Variants in GRIN2D observed in about 807,000 individuals in gnomAD.
The protein encoded by GRIN2D is glutamate ionotropic receptor NMDA type subunit 2D.
In GRIN2D, 37 loss-of-function variants were observed where a neutral mutation model predicts 103.2. That is an observed-to-expected ratio of 0.36 (90% CI 0.28 to 0.47). The LOEUF is 0.47. Ranked by LOEUF, GRIN2D falls within the 20% of genes least tolerant of loss-of-function variation. GRIN2D has a pLI of 1.00. For missense variants in GRIN2D, 1,557 were observed against 1,910.6 expected, an observed-to-expected ratio of 0.81 and a Z score of 3.45; for synonymous variants, 845 against 885.6, an observed-to-expected ratio of 0.95 and a Z score of 0.81.
At chr19:48,401,936 C>A (rs1313248852) in intron 3 of GRIN2D, among the ~76,000 whole-genome samples, 1 of 151,970 alleles carries the variant, frequency 6.6e-6, no homozygotes, top group Non-Finnish European at 1.5e-5. Context: ...CCTCCCTCTA[C>A]TAAAAATACA....
At chr19:48,413,913 A>T in intron 4 of GRIN2D, 78 bp from the exon 5 acceptor site, 4 of 822,796 alleles carry the variant, frequency 4.9e-6, no homozygotes, top group Middle Eastern at 2.2e-4. Context: ...TGGTCTGCAG[A>T]AAGGGGACTT....
rs922471645 is a variant in GRIN2D at position 48,412,031 on chromosome 19, T to TA, written c.1086-1949dup. Among the ~76,000 whole-genome samples the TA allele has an allele frequency of 7.7e-3, 1,101 of 143,284 alleles. 12 individuals carry two copies. Among genetic ancestry groups the TA allele is most frequent in the African/African-American group, 0.026 (999 of 39,152 alleles). The allele number at this position is 143,284 out of a possible 152,430, so 94.0% of individuals were successfully genotyped here. A position where few individuals can be genotyped will look rare whatever the true frequency, so the allele number is the denominator to read the frequency against. On this transcript the variant is annotated intron_variant, in intron 4 of 13. Coordinates refer to ENST00000263269, the MANE Select transcript of GRIN2D (RefSeq NM_000836.4). ...AAAGTAGTGAGACCCTATCTCTACT[T>TA]AAAAAAAAAAAGAGGCTGGGCGTGG...
Position 48,441,955 on chromosome 19 carries a change from T to A in GRIN2D, c.2439T>A (p.Asp813Glu). 6.2e-7 allele frequency: 1 copy of A among 1,601,762 alleles called. No individual in the cohort carries two copies. Among genetic ancestry groups the A allele is most frequent in the South Asian group, 1.1e-5 (1 of 90,782 alleles). Residue 813 changes from aspartate (D) to glutamate (E), a missense_variant and splice_region_variant, in exon 12 of 14, where the codon GAT becomes GAA. By Grantham distance (45) the Asp-to-Glu change is conservative. This residue lies in a region of GRIN2D where 138 missense variants were observed against 270.2 expected (regional missense o/e 0.51). Coordinates refer to ENST00000263269, the MANE Select transcript of GRIN2D (RefSeq NM_000836.4). ...IDLALLQFLGDDEIEMLERLW... is the reference protein window; with the variant it reads ...IDLALLQFLGEDEIEMLERLW... Reference sequence around the variant, plus strand: ...TGGCGTTGCTGCAGTTCCTGGGGGATGGTGCGGCTGCACACAGGGATTTCC... The same window carrying A: ...TGGCGTTGCTGCAGTTCCTGGGGGAAGGTGCGGCTGCACACAGGGATTTCC...
Position 48,444,087 on chromosome 19 carries a change from C to G in GRIN2D, c.*150C>G, listed in dbSNP as rs1971349936. 2 of 473,416 alleles carry G rather than the reference C, an allele frequency of 4.2e-6. No individual in the cohort carries two copies. The highest frequency in any genetic ancestry group is 3.6e-5 in the East Asian group (1 of 28,156). 29.3% of individuals were successfully genotyped at this position (473,416 alleles called of 1,614,324 possible). On this transcript the variant is annotated 3_prime_UTR_variant, in exon 14 of 14. Coordinates refer to ENST00000263269, the MANE Select transcript of GRIN2D (RefSeq NM_000836.4). The surrounding 1 kb of genome is among the most constrained non-coding windows in gnomAD (Gnocchi z 5.5). The stretch of plus-strand genomic sequence containing the variant: ...GAGCAGCGTCCTGCGCCCCCTGGTT[C>G]TGGAGGAACCGCAAGCCGGAGAGGA...
intron 3 of GRIN2D, among the ~76,000 whole-genome samples, chr19:48,399,569 A>G (rs1219391664): frequency 1.3e-5 from 2 of 152,192 alleles, no homozygotes; most frequent in Non-Finnish European, 2.9e-5. Flanking sequence ...CTCTGTCCAA[A>G]AGAAAAAGAA....
rs1165311907 is a variant in GRIN2D, at chr19:48,442,278, G to T, written c.2569G>T (p.Gly857Cys). The T allele has an allele frequency of 6.2e-7, 1 of 1,614,174 alleles. No homozygotes were observed. The highest frequency in any genetic ancestry group is 8.5e-7 in the Non-Finnish European group (1 of 1,180,028). ...CTTCTACATGCTCCTGGTGGCCATG[G>T]GCCTGTCCCTGCTGGTCTTCGCCTG... Reference protein sequence around the residue: ...GVFYMLLVAMGLSLLVFAWEH... With the variant: ...GVFYMLLVAMCLSLLVFAWEH... Residue 857 changes from glycine (G) to cysteine (C), a missense_variant, in exon 13 of 14, where the codon GGC (glycine) becomes TGC (cysteine). Gly to Cys is a radical substitution (Grantham distance 159). This residue lies in a region of GRIN2D where 138 missense variants were observed against 270.2 expected (regional missense o/e 0.51). Transcript: ENST00000263269. This position sits in a 1 kb window ranked among gnomAD's most constrained non-coding sequence, Gnocchi z 7.2.
At chr19:48,437,958 C>T (rs770232913) in intron 11 of GRIN2D, among the ~76,000 whole-genome samples, 3 of 152,166 alleles carry the variant, frequency 2.0e-5, no homozygotes, top group Non-Finnish European at 4.4e-5. Context: ...GTCCTCCCCA[C>T]GTTTCTGCTA....
chr19:48,443,999 C>T lies in GRIN2D; in HGVS notation c.*62C>T. On this transcript the variant is annotated 3_prime_UTR_variant, in exon 14 of 14. Coordinates refer to ENST00000263269, the MANE Select transcript of GRIN2D (RefSeq NM_000836.4). This position sits in a 1 kb window ranked among gnomAD's most constrained non-coding sequence, Gnocchi z 8.9. The stretch of plus-strand genomic sequence containing the variant: ...GCAGGCCACGGCCCGAGGGGGCGCC[C>T]GCAGTGGACAGGACCCGCGTGGGTT... The T allele has an allele frequency of 8.9e-7, 1 of 1,122,780 alleles. No individual in the cohort carries two copies. The highest frequency in any genetic ancestry group is 3.2e-5 in the East Asian group (1 of 31,004). 69.6% of individuals were successfully genotyped at this position (1,122,780 alleles called of 1,614,324 possible).
At chr19:48,408,677 G>A (rs1015506942) in intron 4 of GRIN2D, among the ~76,000 whole-genome samples, 20 of 151,464 alleles carry the variant, frequency 1.3e-4, no homozygotes, top group Middle Eastern at 3.4e-3. Flanking sequence ...AAACTTAGCC[G>A]GGCGTGGTGA....
Position 48,414,261 on chromosome 19 carries a change from C to G in GRIN2D, c.1201-112C>G, listed in dbSNP as rs1225696280. 1.2e-5 allele frequency: 12 copies of G among 1,005,896 alleles called. No individual in the cohort carries two copies. Among genetic ancestry groups the G allele is most frequent in the Non-Finnish European group, 1.8e-5 (12 of 668,908 alleles). The allele number at this position is 1,005,896 out of a possible 1,614,324, so 62.3% of individuals were successfully genotyped here. ...CTGAAGGTGGGAGGGGCTCCTGGGT[C>G]TTGGAAGAAGCTGCTGCCCACACAC... On this transcript the variant is annotated intron_variant, in intron 5 of 13. Coordinates refer to ENST00000263269, the MANE Select transcript of GRIN2D (RefSeq NM_000836.4). This position sits in a 1 kb window ranked among gnomAD's most constrained non-coding sequence, Gnocchi z 4.6.
chr19:48,441,766 C>T lies in GRIN2D; in HGVS notation c.2253-3C>T, dbSNP rs1309477511. 3.7e-6 allele frequency: 6 copies of T among 1,607,140 alleles called. No individual in the cohort carries two copies. Among genetic ancestry groups the T allele is most frequent in the Non-Finnish European group, 5.1e-6 (6 of 1,175,282 alleles). On this transcript the variant is annotated splice_region_variant and splice_polypyrimidine_tract_variant and intron_variant, in intron 11 of 13. Transcript: ENST00000263269. ...CCCTACCCTCCATTCCCCCTCCCCC[C>T]AGGAAGCTGGACGCCTTCATCTACG...
chr19:48,406,416 A>G (rs1174876668), intron 4 of GRIN2D, among the ~76,000 whole-genome samples: 1 of 152,140 alleles, frequency 6.6e-6, no homozygotes, highest in African/African-American at 2.4e-5. Context: ...AAAAATTGGT[A>G]AGTTTGGTGA....
chr19:48,404,601 G>A, intron 3 of GRIN2D, 133 bp from the exon 4 acceptor site: 1 of 815,286 alleles, frequency 1.2e-6, no homozygotes, highest in Non-Finnish European at 1.9e-6. Context: ...CTGTGCCCCA[G>A]GAGGAAAAGG....
At chr19:48,403,414 A>G (rs917267575) in intron 3 of GRIN2D, among the ~76,000 whole-genome samples, 1 of 152,222 alleles carries the variant, frequency 6.6e-6, no homozygotes, top group Non-Finnish European at 1.5e-5. Flanking sequence ...GTGCACCCAG[A>G]AAACTAAGTT....
chr19:48,395,127 T>C (rs1970622277), intron 2 of GRIN2D, among the ~76,000 whole-genome samples, 191 bp downstream of exon 2: 1 of 151,770 alleles, frequency 6.6e-6, no homozygotes, highest in Non-Finnish European at 1.5e-5. Flanking sequence ...TCTGAGCCCC[T>C]TTTTCCTGAG....
intron 3 of GRIN2D, among the ~76,000 whole-genome samples, chr19:48,402,446 G>C (rs917861376): frequency 7.9e-5 from 12 of 151,884 alleles, no homozygotes; most frequent in African/African-American, 2.9e-4. Flanking sequence ...GGCCGGGCGC[G>C]GTGGCTCATG....
rs950484807 is a variant in GRIN2D, at chr19:48,443,520, G to A, written c.3594G>A (p.Ser1198=). 1.5e-6 allele frequency: 2 copies of A among 1,341,774 alleles called. No individual in the cohort carries two copies. Among genetic ancestry groups the A allele is most frequent in the Admixed American group, 3.5e-5 (1 of 28,834 alleles). The allele number at this position is 1,341,774 out of a possible 1,614,324, so 83.1% of individuals were successfully genotyped here. ...CGCCGCCGCGCCATCTCAGCTGCTCGCACGATGGCCTGGACGGCGGCTGGT... is the reference window on the plus strand; with the variant it reads ...CGCCGCCGCGCCATCTCAGCTGCTCACACGATGGCCTGGACGGCGGCTGGT... The part of the protein sequence containing the change: ...LLPPPRHLSC[S]HDGLDGGWWA... Residue 1198 remains serine, a synonymous_variant, in exon 14 of 14, where the codon TCG becomes TCA. Coordinates refer to ENST00000263269, the MANE Select transcript of GRIN2D (RefSeq NM_000836.4). This position sits in a 1 kb window ranked among gnomAD's most constrained non-coding sequence, Gnocchi z 8.9.
At chr19:48,433,597 A>G (rs1181564317) in intron 11 of GRIN2D, among the ~76,000 whole-genome samples, 1 of 152,182 alleles carries the variant, frequency 6.6e-6, no homozygotes, top group Non-Finnish European at 1.5e-5. Context: ...TGCACGTCCT[A>G]AAAAGAAATA....
At chr19:48,415,141 C>A (rs1020048019) in intron 7 of GRIN2D, 109 bp downstream of exon 7, 8 of 1,025,582 alleles carry the variant, frequency 7.8e-6, no homozygotes, top group East Asian at 2.6e-5. Flanking sequence ...GAAGCCGAGG[C>A]GGGCGAATTG....
Sources: gnomAD v4.1 joint callset for allele counts (sites outside exome capture counted in the v4.1 genomes callset) on GRCh38, gnomAD v4.1.1 for gene constraint, gnomAD v4.1.1 regional missense constraint, Gnocchi (gnomAD v3.1) non-coding constraint, MANE v1.5 for transcripts, NCBI Gene and HGNC (gene_info 2026-07-23, HGNC 2026-07-21) for gene names.